CSMD3: variants seen among roughly 807,000 people sequenced by gnomAD.
CSMD3 encodes the protein CUB and sushi domain-containing protein 3.
CSMD3 carries 177 observed loss-of-function variants against 435.2 expected under a neutral mutation model. That is an observed-to-expected ratio of 0.41 (90% CI 0.36 to 0.46). The LOEUF (loss-of-function observed/expected upper bound fraction) is 0.46, where lower values mean the gene tolerates loss of function less well. Ranked by LOEUF, CSMD3 falls within the 20% of genes least tolerant of loss-of-function variation. The probability of loss-of-function intolerance (pLI) is 0.34; values close to 1 mark genes in which losing one functional copy is unlikely to be tolerated. For synonymous variants in CSMD3, 1,656 were observed against 1,520.5 expected (o/e 1.09, Z -2.07); for missense variants, 4,265 against 4,504.6 (o/e 0.95, Z 1.52).
chr8:112,883,487 G>T (rs554641046), intron 10 of CSMD3, among the ~76,000 whole-genome samples: 1 of 151,834 alleles, frequency 6.6e-6, no homozygotes, highest in African/African-American at 2.4e-5. Flanking sequence ...CTAACAAATA[G>T]TTTAAAAAAT....
chr8:112,327,397 A>T (rs930748905), intron 45 of CSMD3, among the ~76,000 whole-genome samples: 4 of 152,204 alleles, frequency 2.6e-5, no homozygotes, highest in Admixed American at 2.0e-4. Context: ...AAGATGACCT[A>T]AATAAGTGAA....
chr8:113,397,883 GAAAT>G (rs966007227), intron 1 of CSMD3, among the ~76,000 whole-genome samples: 11 of 151,672 alleles, frequency 7.3e-5, no homozygotes, highest in Middle Eastern at 6.8e-3. Context: ...ACAGACTCTG[GAAAT>G]AAATAGACAG....
chr8:113,219,440 A>G (rs1237862048), intron 3 of CSMD3, among the ~76,000 whole-genome samples: 3 of 151,388 alleles, frequency 2.0e-5, no homozygotes, highest in Non-Finnish European at 4.4e-5. Context: ...AGTTAGAAGA[A>G]GATATAAACA....
intron 13 of CSMD3, among the ~76,000 whole-genome samples, chr8:112,759,816 C>A (rs1033338131): frequency 6.6e-6 from 1 of 151,948 alleles, no homozygotes; most frequent in Non-Finnish European, 1.5e-5. Flanking sequence ...TGAAAGAAAT[C>A]CTATTTTTAA....
At chr8:113,086,915 T>C (rs2089804798) in intron 5 of CSMD3, among the ~76,000 whole-genome samples, 1 of 152,216 alleles carries the variant, frequency 6.6e-6, no homozygotes, top group Admixed American at 6.5e-5. Flanking sequence ...CTTTACTTCT[T>C]TGTGTGTTTT....
At chr8:112,732,053 AGT>A (rs926464691) in intron 13 of CSMD3, among the ~76,000 whole-genome samples, 15 of 151,288 alleles carry the variant, frequency 9.9e-5, no homozygotes, top group Non-Finnish European at 1.3e-4. Context: ...GCATTGTGTG[AGT>A]GTGTGTGTGT....
intron 32 of CSMD3, among the ~76,000 whole-genome samples, chr8:112,421,686 T>C (rs1812527753): frequency 6.8e-6 from 1 of 147,968 alleles, no homozygotes. Flanking sequence ...CATATATATG[T>C]ATACCTATAT....
chr8:113,349,091 C>A lies in CSMD3; in HGVS notation c.179-34298G>T, dbSNP rs2094172417. ...CATTATTTATTTTTATATGTATATA[C>A]CATCCTCTGAGCCTCACAGCTAAAA... On this transcript the variant is annotated intron_variant, in intron 1 of 70. Coordinates refer to ENST00000297405, the MANE Select transcript of CSMD3 (RefSeq NM_198123.2). Among the ~76,000 whole-genome samples, 5 of 152,056 alleles carry A rather than the reference C, an allele frequency of 3.3e-5. No individual in the cohort carries two copies. In the South Asian group the frequency reaches 1.0e-3, roughly 32 times the overall value.
Position 113,278,719 on chromosome 8 carries a change from A to T in CSMD3, c.402-15T>A. 1 of 1,157,462 alleles carries T rather than the reference A, an allele frequency of 8.6e-7. No individual in the cohort carries two copies. Among genetic ancestry groups the T allele is most frequent in the East Asian group, 2.3e-5 (1 of 42,644 alleles). 71.7% of individuals were successfully genotyped at this position (1,157,462 alleles called of 1,614,324 possible). On this transcript the variant is annotated splice_polypyrimidine_tract_variant and intron_variant, in intron 2 of 70. Coordinates refer to ENST00000297405, the MANE Select transcript of CSMD3 (RefSeq NM_198123.2). ...ATCCTGTTAACCTAAAACAAAATGG[A>T]ATTAATTGTTAGAGACATAATCATT...
chr8:113,333,933 A>G (rs938410199), intron 1 of CSMD3, among the ~76,000 whole-genome samples: 4 of 151,924 alleles, frequency 2.6e-5, no homozygotes, highest in Non-Finnish European at 5.9e-5. Flanking sequence ...ATAGATCCCC[A>G]TCTTGAACTT....
At chr8:112,331,476 T>C (rs1022273915) in intron 45 of CSMD3, among the ~76,000 whole-genome samples, 3 of 152,132 alleles carry the variant, frequency 2.0e-5, no homozygotes, top group Non-Finnish European at 2.9e-5. Flanking sequence ...TTTTTGATCA[T>C]AAAAGGCTTT....
Position 113,065,437 on chromosome 8 carries a change from A to C in CSMD3, c.917+33319T>G, listed in dbSNP as rs201203016. Among the ~76,000 whole-genome samples, 7 of 152,126 alleles carry C rather than the reference A, an allele frequency of 4.6e-5. No homozygotes were observed. The East Asian group carries it at 1.2e-3, about 25-fold the overall frequency. On this transcript the variant is annotated intron_variant, in intron 5 of 70. Transcript: ENST00000297405. ...AGTCTCGCTCTGTCGCCCAGGATGG[A>C]GTGCAGTGGCGCGATCTCGGTTCAC...
intron 23 of CSMD3, among the ~76,000 whole-genome samples, chr8:112,583,539 A>C (rs191443664): frequency 3.3e-4 from 50 of 152,096 alleles, no homozygotes; most frequent in Admixed American, 5.3e-4. Context: ...TGTCAAGTGA[A>C]ATCCAAACCT....
intron 1 of CSMD3, among the ~76,000 whole-genome samples, chr8:113,326,321 T>C (rs2093983581): frequency 1.3e-5 from 2 of 150,698 alleles, no homozygotes; most frequent in Non-Finnish European, 3.0e-5. Flanking sequence ...AAAGTGACCA[T>C]GTTGTTATAT....
intron 5 of CSMD3, among the ~76,000 whole-genome samples, chr8:113,073,803 C>T (rs1325149093): frequency 6.6e-6 from 1 of 151,638 alleles, no homozygotes; most frequent in Non-Finnish European, 1.5e-5. Flanking sequence ...CATTCGCCTT[C>T]GGAAATGTTG....
intron 3 of CSMD3, among the ~76,000 whole-genome samples, chr8:113,242,673 G>A (rs895981774): frequency 1.3e-5 from 2 of 151,854 alleles, no homozygotes; most frequent in African/African-American, 4.8e-5. Context: ...TTGATTTTTG[G>A]TAACAAAGAA....
chr8:112,288,201 A>T (rs1819403670), intron 57 of CSMD3, among the ~76,000 whole-genome samples: 1 of 150,288 alleles, frequency 6.7e-6, no homozygotes, highest in Admixed American at 6.7e-5. Context: ...TTTCACTTTT[A>T]AATATCTGTG....
chr8:113,027,842 T>C (rs2086932446), intron 5 of CSMD3, among the ~76,000 whole-genome samples: 1 of 152,074 alleles, frequency 6.6e-6, no homozygotes, highest in Non-Finnish European at 1.5e-5. Flanking sequence ...AAAAAATGGA[T>C]CTTATAGATC....
At chr8:112,785,615 C>A (rs1035072157) in intron 13 of CSMD3, among the ~76,000 whole-genome samples, 2 of 151,962 alleles carry the variant, frequency 1.3e-5, no homozygotes, top group East Asian at 1.9e-4. Flanking sequence ...TATCTGCCAA[C>A]AATCTGAAAA....
Sources: allele counts gnomAD v4.1 joint callset (sites outside exome capture counted in the v4.1 genomes callset), GRCh38; gene constraint gnomAD v4.1.1; transcripts MANE v1.5; gene names NCBI Gene and HGNC (gene_info 2026-07-23, HGNC 2026-07-21).